Variants in CD247 observed in about 807,000 individuals in gnomAD.
The protein encoded by CD247 is CD247 molecule, also known as T-cell surface glycoprotein CD3 zeta chain.
In CD247, 13 loss-of-function variants were observed where a neutral mutation model predicts 30.0. The ratio of observed to expected loss-of-function variants is 0.43; its 90% confidence interval spans 0.28 to 0.69. CD247 has a LOEUF of 0.69. Among genes scored for constraint, CD247 ranks in the 30% least tolerant of loss-of-function variants. The pLI, the probability that CD247 is intolerant of heterozygous loss-of-function variation, is 0.16. For synonymous variants in CD247, 72 were observed against 80.0 expected (o/e 0.90, Z 0.53); for missense variants, 193 against 212.6 (o/e 0.91, Z 0.57).
rs747291876 is a variant in CD247, at chr1:167,494,785, A to G, written c.58+23623T>C. 9.9e-5 allele frequency among the ~76,000 whole-genome samples: 15 copies of G among 152,210 alleles called. No individual in the cohort carries two copies. The highest frequency in any genetic ancestry group is 1.6e-4 in the Non-Finnish European group (11 of 68,044). On this transcript the variant is annotated intron_variant, in intron 1 of 7. Transcript: ENST00000362089. The surrounding 1 kb of genome is among the most constrained non-coding windows in gnomAD (Gnocchi z 7.3). Reference sequence around the variant, plus strand: ...GAATGTGAAGGTCTCATCAAAAACCAAGCATGAGAGGCAAGACAATTATTA... The same window carrying G: ...GAATGTGAAGGTCTCATCAAAAACCGAGCATGAGAGGCAAGACAATTATTA...
At chr1:167,465,483 AT>A (rs1653203716) in intron 1 of CD247, among the ~76,000 whole-genome samples, 1 of 151,766 alleles carries the variant, frequency 6.6e-6, no homozygotes, top group Non-Finnish European at 1.5e-5. Context: ...TCCCGGCATC[AT>A]GCCTGGCTAA....
intron 1 of CD247, among the ~76,000 whole-genome samples, chr1:167,470,504 T>TAAAAAAAAA (rs55679205): frequency 9.0e-5 from 11 of 122,456 alleles, no homozygotes; most frequent in East Asian, 5.1e-4. Context: ...ATGTTAATTG[T>TAAAAAAAAA]AAAAAAAAAA....
At chr1:167,432,798 C>A (rs1288349529) in intron 7 of CD247, among the ~76,000 whole-genome samples, 3 of 152,228 alleles carry the variant, frequency 2.0e-5, no homozygotes, top group African/African-American at 4.8e-5. Context: ...CATGGCCAAG[C>A]AAGGCATGGT....
chr1:167,433,088 G>T, intron 6 of CD247, 29 bp from the exon 7 acceptor site: 1 of 1,613,660 alleles, frequency 6.2e-7, no homozygotes. Context: ...AATGAGAAAA[G>T]GATTAGAAAG....
intron 1 of CD247, among the ~76,000 whole-genome samples, chr1:167,450,502 A>T (rs1006151134): frequency 1.3e-5 from 2 of 152,208 alleles, no homozygotes; most frequent in Non-Finnish European, 2.9e-5. Flanking sequence ...TCAAAAAAAA[A>T]TAAGTGAATA....
chr1:167,469,798 T>C, intron 1 of CD247, among the ~76,000 whole-genome samples: 1 of 152,224 alleles, frequency 6.6e-6, no homozygotes, highest in East Asian at 1.9e-4. Flanking sequence ...TTGGATGGCA[T>C]CTCTGCCTCT....
intron 1 of CD247, among the ~76,000 whole-genome samples, chr1:167,471,021 A>G (rs1653500727): frequency 2.0e-5 from 3 of 151,882 alleles, no homozygotes; most frequent in South Asian, 4.2e-4. Context: ...ACAGGCGCCC[A>G]TCACCACGCC....
intron 1 of CD247, among the ~76,000 whole-genome samples, chr1:167,465,359 G>A (rs1454087799): frequency 4.8e-5 from 6 of 124,002 alleles, no homozygotes; most frequent in African/African-American, 1.5e-4. Context: ...ATGGAGTCCC[G>A]TTCAGTTGCC....
chr1:167,442,380 T>C (rs1399906927), intron 1 of CD247, among the ~76,000 whole-genome samples: 1 of 152,140 alleles, frequency 6.6e-6, no homozygotes, highest in Non-Finnish European at 1.5e-5. Context: ...GTGGAGGCCA[T>C]ATGTGGGAGT....
intron 1 of CD247, among the ~76,000 whole-genome samples, chr1:167,470,917 G>A (rs1653493331): frequency 1.3e-5 from 2 of 148,932 alleles, no homozygotes; most frequent in African/African-American, 5.0e-5. Context: ...TGTCACCCAG[G>A]CTGGAGTGCA....
chr1:167,488,770 T>C (rs1210579332), intron 1 of CD247, among the ~76,000 whole-genome samples: 1 of 152,206 alleles, frequency 6.6e-6, no homozygotes, highest in Non-Finnish European at 1.5e-5. Context: ...TTGAAAAATA[T>C]TCTCTCTGAT....
intron 1 of CD247, among the ~76,000 whole-genome samples, chr1:167,449,069 G>T (rs542606192): frequency 8.6e-5 from 13 of 151,644 alleles, no homozygotes; most frequent in Non-Finnish European, 1.6e-4. Flanking sequence ...CGCTTTATGA[G>T]CAAATGTTTC....
chr1:167,431,638 G>A lies in CD247; in HGVS notation c.*43C>T, dbSNP rs1277872052. 6.7e-7 allele frequency: 1 copy of A among 1,497,726 alleles called. No individual in the cohort carries two copies. Among genetic ancestry groups the A allele is most frequent in the South Asian group, 1.1e-5 (1 of 88,768 alleles). The allele number at this position is 1,497,726 out of a possible 1,614,324, so 92.8% of individuals were successfully genotyped here. A position where few individuals can be genotyped will look rare whatever the true frequency, so the allele number is the denominator to read the frequency against. On this transcript the variant is annotated 3_prime_UTR_variant, in exon 8 of 8. Coordinates refer to ENST00000362089, the MANE Select transcript of CD247 (RefSeq NM_198053.3). ...CTTCATCCTGTGTCTCATAATCTGG[G>A]CGTCTGCAGGTCTGGCCTTTGAGTG...
intron 1 of CD247, among the ~76,000 whole-genome samples, chr1:167,466,843 C>CTTTTTT (rs58330914): frequency 6.2e-5 from 9 of 144,888 alleles, no homozygotes; most frequent in African/African-American, 2.3e-4. Context: ...TTATCCTCTT[C>CTTTTTT]TTTTTTTTTT....
chr1:167,509,623 A>T (rs967823495), intron 1 of CD247, among the ~76,000 whole-genome samples: 3 of 152,156 alleles, frequency 2.0e-5, no homozygotes, highest in African/African-American at 7.2e-5. Context: ...TCCTGAAACT[A>T]TCTGGGTGCC....
intron 2 of CD247, chr1:167,440,320 G>A (rs1288524261): frequency 2.7e-6 from 1 of 365,884 alleles, no homozygotes; most frequent in South Asian, 2.5e-5. Context: ...AGGCTAACAT[G>A]GCCTTCATTC....
At chr1:167,517,718 G>A (rs1055817289) in intron 1 of CD247, among the ~76,000 whole-genome samples, 2 of 152,182 alleles carry the variant, frequency 1.3e-5, no homozygotes, top group South Asian at 2.1e-4. Flanking sequence ...GGTGAGTCAC[G>A]GAGCCTGGGA....
intron 1 of CD247, among the ~76,000 whole-genome samples, chr1:167,472,916 G>A (rs1467805404): frequency 1.3e-5 from 2 of 152,248 alleles, no homozygotes; most frequent in East Asian, 3.9e-4. Flanking sequence ...TGTGTTGCCT[G>A]CATGAAAGAT....
intron 1 of CD247, among the ~76,000 whole-genome samples, chr1:167,483,021 T>TCTTTCTTTCTTTC (rs1654040175): frequency 6.6e-6 from 1 of 151,330 alleles, no homozygotes; most frequent in Non-Finnish European, 1.5e-5. Context: ...TCTTTTTTTT[T>TCTTTCTTTCTTTC]TTTTGAGACT....
Sources: gnomAD v4.1 joint callset for allele counts (sites outside exome capture counted in the v4.1 genomes callset) on GRCh38, gnomAD v4.1.1 for gene constraint, Gnocchi (gnomAD v3.1) non-coding constraint, MANE v1.5 for transcripts, NCBI Gene and HGNC (gene_info 2026-07-23, HGNC 2026-07-21) for gene names.